The following MMD2 variants were observed in gnomAD, a reference collection of about 807,000 sequenced individuals.
MMD2 encodes monocyte to macrophage differentiation associated 2.
In MMD2, 30 loss-of-function variants were observed where a neutral mutation model predicts 33.5. That is an observed-to-expected ratio of 0.90 (90% CI 0.67 to 1.22). The LOEUF (loss-of-function observed/expected upper bound fraction) is 1.22. Among genes scored for constraint, MMD2 ranks in the 50% most tolerant of loss-of-function variants. The pLI, the probability that MMD2 is intolerant of heterozygous loss-of-function variation, is 0.00. For synonymous variants in MMD2, 129 were observed against 123.0 expected (o/e 1.05, Z -0.32); for missense variants, 364 against 325.4 (o/e 1.12, Z -0.91).
chr7:4,937,605 T>C (rs1323260534), intron 1 of MMD2, among the ~76,000 whole-genome samples: 1 of 152,148 alleles, frequency 6.6e-6, no homozygotes, highest in Non-Finnish European at 1.5e-5. Context: ...AACTCCTGGA[T>C]TCAAGCGATG....
At chr7:4,944,760 C>CTTTTTTTTTTT (rs142716643) in intron 1 of MMD2, among the ~76,000 whole-genome samples, 17 of 75,280 alleles carry the variant, frequency 2.3e-4, no homozygotes, top group East Asian at 4.7e-4. Context: ...TCTTCTTCTT[C>CTTTTTTTTTTT]TTTTTTTTTT....
At chr7:4,917,221 C>T (rs1785163739) in intron 3 of MMD2, among the ~76,000 whole-genome samples, 1 of 152,186 alleles carries the variant, frequency 6.6e-6, no homozygotes, top group Non-Finnish European at 1.5e-5. Context: ...TTCAGGAGTA[C>T]ATAACCTTGA....
intron 1 of MMD2, among the ~76,000 whole-genome samples, chr7:4,943,834 C>T (rs111413045): frequency 0.036 from 5,413 of 151,954 alleles, 328 homozygotes; most frequent in African/African-American, 0.12. Flanking sequence ...CAGGATCTTG[C>T]TCTGTCACTC....
intron 1 of MMD2, among the ~76,000 whole-genome samples, chr7:4,928,586 G>C (rs907485788): frequency 2.6e-5 from 4 of 151,458 alleles, no homozygotes; most frequent in Non-Finnish European, 5.9e-5. Context: ...TCCATGCTAA[G>C]TATAGTTCAT....
the MMD2 span, among the ~76,000 whole-genome samples, chr7:4,899,405 T>TG: frequency 6.6e-6 from 1 of 152,088 alleles, no homozygotes; most frequent in Non-Finnish European, 1.5e-5. Flanking sequence ...TTTTTTTTTT[T>TG]TGAAACGAAG....
At chr7:4,925,673 C>G in intron 1 of MMD2, 141 bp from the exon 2 acceptor site, 1 of 513,892 alleles carries the variant, frequency 1.9e-6, no homozygotes, top group Non-Finnish European at 3.4e-6. Flanking sequence ...CCCCCTCTCT[C>G]TCTGTCTTCT....
intron 1 of MMD2, among the ~76,000 whole-genome samples, chr7:4,936,056 G>A (rs1360508788): frequency 6.6e-6 from 1 of 151,532 alleles, no homozygotes; most frequent in East Asian, 1.9e-4. Flanking sequence ...GTGGTGGTGG[G>A]CACCTGTAAT....
intron 1 of MMD2, among the ~76,000 whole-genome samples, chr7:4,947,880 A>C (rs984670847): frequency 1.3e-5 from 2 of 150,934 alleles, no homozygotes; most frequent in Non-Finnish European, 2.9e-5. Flanking sequence ...TTGTATTTTT[A>C]GTAGAGACAG....
chr7:4,909,931 G>T lies in MMD2; in HGVS notation c.487C>A (p.Leu163Ile), dbSNP rs756062072. ...AAGAAGCCCATTACGACGTAGCAGAGAAGCTCCACAAGCTTGTACCTGGCA... is the reference window on the plus strand; with the variant it reads ...AAGAAGCCCATTACGACGTAGCAGATAAGCTCCACAAGCTTGTACCTGGCA... ...FHERYKLVEL[L>I]CYVVMGFFPA... The change falls in exon 6 of 7, where the codon CTC becomes ATC. Residue 163 changes from leucine (L) to isoleucine (I), a missense_variant. Leu to Ile is a conservative substitution (Grantham distance 5, BLOSUM62 2). Transcript: ENST00000401401. 1 of 1,613,822 alleles carries T rather than the reference G, an allele frequency of 6.2e-7. No individual in the cohort carries two copies. The highest frequency in any genetic ancestry group is 1.3e-5 in the African/African-American group (1 of 74,930).
At chr7:4,921,534 T>C (rs1399552535) in intron 2 of MMD2, among the ~76,000 whole-genome samples, 1 of 150,630 alleles carries the variant, frequency 6.6e-6, no homozygotes, top group Non-Finnish European at 1.5e-5. Flanking sequence ...GGCAGGAGAA[T>C]TGCTTGAACC....
intron 1 of MMD2, among the ~76,000 whole-genome samples, chr7:4,948,413 C>T (rs1786150192): frequency 2.0e-5 from 3 of 152,084 alleles, no homozygotes; most frequent in Admixed American, 2.0e-4. Flanking sequence ...GTACCAGCTA[C>T]TCGGGAGGCT....
At chr7:4,892,585 T>TATAA in the MMD2 span, among the ~76,000 whole-genome samples, 41,789 of 143,210 alleles carry the variant, frequency 0.29, 6,447 homozygotes, top group South Asian at 0.41. Flanking sequence ...AAGACTCTGC[T>TATAA]ATAAATAAAT....
At chr7:4,952,381 T>C (rs886589453) in intron 1 of MMD2, among the ~76,000 whole-genome samples, 1 of 152,158 alleles carries the variant, frequency 6.6e-6, no homozygotes, top group Non-Finnish European at 1.5e-5. Flanking sequence ...ACTTCCTATT[T>C]CTCCCTGCAT....
chr7:4,935,372 C>T (rs933121097), intron 1 of MMD2, among the ~76,000 whole-genome samples: 1 of 151,110 alleles, frequency 6.6e-6, no homozygotes, highest in African/African-American at 2.4e-5. Flanking sequence ...AAAATACTGA[C>T]GACTGGGCTC....
At chr7:4,955,812 G>A (rs1786367610) in intron 1 of MMD2, among the ~76,000 whole-genome samples, 1 of 152,182 alleles carries the variant, frequency 6.6e-6, no homozygotes, top group Non-Finnish European at 1.5e-5. Flanking sequence ...CAGCACTTTG[G>A]AAAGCCAAGG....
intron 5 of MMD2, among the ~76,000 whole-genome samples, chr7:4,910,265 G>A (rs1784973332): frequency 6.6e-6 from 1 of 152,142 alleles, no homozygotes; most frequent in Admixed American, 6.6e-5. Context: ...CTCAGCCCAT[G>A]GTAGACATCA....
downstream of MMD2, among the ~76,000 whole-genome samples, chr7:4,902,390 G>A (rs904450905): frequency 5.9e-5 from 9 of 152,226 alleles, no homozygotes; most frequent in African/African-American, 2.2e-4. Context: ...TGGCTTCAAC[G>A]CTTTGCTCCG....
intron 3 of MMD2, among the ~76,000 whole-genome samples, chr7:4,917,012 C>T (rs1405458343): frequency 6.6e-6 from 1 of 152,080 alleles, no homozygotes; most frequent in Non-Finnish European, 1.5e-5. Context: ...GTGGAGACTG[C>T]AGTGAGCCAT....
At chr7:4,933,313 G>C (rs1171893390) in intron 1 of MMD2, among the ~76,000 whole-genome samples, 1 of 152,164 alleles carries the variant, frequency 6.6e-6, no homozygotes, top group Non-Finnish European at 1.5e-5. Flanking sequence ...AGTGAGCCAA[G>C]ATCGTGCCAC....
Sources: gnomAD v4.1 joint callset for allele counts (sites outside exome capture counted in the v4.1 genomes callset) on GRCh38, gnomAD v4.1.1 for gene constraint, MANE v1.5 for transcripts, NCBI Gene and HGNC (gene_info 2026-07-23, HGNC 2026-07-21) for gene names.